Variants in NSUN4 observed in about 807,000 individuals in gnomAD.
The protein encoded by NSUN4 is NOP2/Sun RNA methyltransferase 4, also known as 5-cytosine rRNA methyltransferase NSUN4.
NSUN4 carries 31 observed loss-of-function variants against 43.8 expected under a neutral mutation model. The observed-to-expected ratio is 0.71, with a 90% CI of 0.53 to 0.96. The LOEUF (loss-of-function observed/expected upper bound fraction) is 0.96, where lower values mean the gene tolerates loss of function less well. Among genes scored for constraint, NSUN4 ranks in the 40% least tolerant of loss-of-function variants. NSUN4 has a pLI of 0.00. For missense variants in NSUN4, 439 were observed against 475.6 expected, an observed-to-expected ratio of 0.92 and a Z score of 0.72; for synonymous variants, 167 against 184.1, an observed-to-expected ratio of 0.91 and a Z score of 0.75.
At chr1:46,351,966 C>A (rs953793719) in intron 3 of NSUN4, among the ~76,000 whole-genome samples, 1 of 150,188 alleles carries the variant, frequency 6.7e-6, no homozygotes, top group African/African-American at 2.4e-5. Context: ...GCCTGGCCTT[C>A]CAGTCTCTTT....
chr1:46,343,427 G>A (rs1662263668), intron 1 of NSUN4: 1 of 399,518 alleles, frequency 2.5e-6, no homozygotes, highest in Admixed American at 4.4e-5. Context: ...AAGAGCCTCT[G>A]CAGATCCCCT....
the NSUN4 span, among the ~76,000 whole-genome samples, chr1:46,384,055 G>C: frequency 6.6e-6 from 1 of 152,130 alleles, no homozygotes; most frequent in Admixed American, 6.5e-5. Context: ...CGGGAAAAAT[G>C]GTTATGGCAG....
the NSUN4 span, among the ~76,000 whole-genome samples, chr1:46,375,808 T>G: frequency 6.9e-6 from 1 of 145,788 alleles, no homozygotes; most frequent in Non-Finnish European, 1.5e-5. Flanking sequence ...AGAATAGTAG[T>G]AAATAGGCCA....
At chr1:46,375,962 CG>C in the NSUN4 span, among the ~76,000 whole-genome samples, 1 of 150,544 alleles carries the variant, frequency 6.6e-6, no homozygotes, top group Non-Finnish European at 1.5e-5. Context: ...CAAAATTAGC[CG>C]GGGGTGGTGG....
chr1:46,344,864 A>AGTGT lies in NSUN4; in HGVS notation c.159_162dup (p.Gln55CysfsTer26), dbSNP rs748235490. The stretch of plus-strand genomic sequence containing the variant: ...TTTGCAGAATTTTGACATGACTTAC[A>AGTGT]GTGTGCAGTTTGGAGATCTTTGGCC... On this transcript the variant is annotated frameshift_variant, in exon 2 of 6. Coordinates refer to ENST00000474844, the MANE Select transcript of NSUN4 (RefSeq NM_199044.4). LOFTEE classifies it high-confidence loss of function. 22 of 1,614,208 alleles carry AGTGT rather than the reference A, an allele frequency of 1.4e-5. No individual in the cohort carries two copies. The highest frequency in any genetic ancestry group is 1.7e-5 in the Non-Finnish European group (20 of 1,180,036).
intron 3 of NSUN4, 129 bp downstream of exon 3, chr1:46,347,204 G>A (rs1410703364): frequency 3.3e-6 from 3 of 907,150 alleles, no homozygotes; most frequent in Non-Finnish European, 4.9e-6. Context: ...TTGGGAAGCC[G>A]AGGGAGGCGG....
chr1:46,383,697 C>T, the NSUN4 span, among the ~76,000 whole-genome samples: 9 of 151,894 alleles, frequency 5.9e-5, no homozygotes, highest in Non-Finnish European at 8.8e-5. Flanking sequence ...CCTCATGATC[C>T]GCCCGCCTCT....
chr1:46,371,881 A>G, the NSUN4 span, among the ~76,000 whole-genome samples: 2 of 152,124 alleles, frequency 1.3e-5, no homozygotes, highest in Admixed American at 1.3e-4. Flanking sequence ...CTCAGAGAGC[A>G]AGGGTATGCT....
rs1416847710 is a variant in NSUN4, at chr1:46,352,964, A to G, written c.689A>G (p.Gln230Arg). Residue 230 changes from glutamine to arginine, a missense_variant, in exon 4 of 6, where the codon CAA becomes CGA. Gln to Arg is a conservative substitution (Grantham distance 43, BLOSUM62 1). Transcript: ENST00000474844. ...YVPEEIRDGN[Q>R]VRVTSWDGRK... ...CCTGAAGAGATCAGGGATGGAAATC[A>G]AGTTCGAGTTACCTCATGGGATGGC... 2 of 1,614,188 alleles carry G rather than the reference A, an allele frequency of 1.2e-6. No homozygotes were observed. Among genetic ancestry groups the G allele is most frequent in the South Asian group, 1.1e-5 (1 of 91,088 alleles).
At chr1:46,360,249 A>T (rs4660924) in intron 4 of NSUN4, among the ~76,000 whole-genome samples, 20 of 25,764 alleles carry the variant, frequency 7.8e-4, no homozygotes, top group African/African-American at 1.9e-3. Context: ...AAAAAAAAAA[A>T]ATATATATAT....
At chr1:46,356,721 T>G (rs976677390) in intron 4 of NSUN4, among the ~76,000 whole-genome samples, 10 of 151,284 alleles carry the variant, frequency 6.6e-5, no homozygotes, top group Admixed American at 3.3e-4. Flanking sequence ...AGAAGAAGAA[T>G]ACTACTTCAG....
the NSUN4 span, among the ~76,000 whole-genome samples, chr1:46,371,963 C>G: frequency 6.6e-6 from 1 of 152,084 alleles, no homozygotes; most frequent in Non-Finnish European, 1.5e-5. Flanking sequence ...CCCACCAGGT[C>G]CCACCTCCAG....
chr1:46,377,528 G>A, the NSUN4 span, among the ~76,000 whole-genome samples: 1 of 152,190 alleles, frequency 6.6e-6, no homozygotes, highest in African/African-American at 2.4e-5. Context: ...CCACCCAGGA[G>A]ATGTTTTCTC....
At chr1:46,383,301 C>T in the NSUN4 span, among the ~76,000 whole-genome samples, 9 of 149,546 alleles carry the variant, frequency 6.0e-5, no homozygotes, top group South Asian at 4.2e-4. Flanking sequence ...GCTGGCGCAC[C>T]GGAAGCCCCA....
intron 4 of NSUN4, among the ~76,000 whole-genome samples, chr1:46,360,273 T>A (rs1360394639): frequency 1.1e-5 from 1 of 89,698 alleles, no homozygotes; most frequent in Non-Finnish European, 2.4e-5. Flanking sequence ...TATATATATA[T>A]ATATGTAAAT....
chr1:46,360,696 C>T lies in NSUN4; in HGVS notation c.754-8C>T. On this transcript the variant is annotated splice_region_variant and splice_polypyrimidine_tract_variant and intron_variant, in intron 4 of 5. Transcript: ENST00000474844. ...CTTTAATACTTTACCCTTTAACACT[C>T]TGGGTAGGTGCTGGTGGATGTGCCC... 1 of 1,613,600 alleles carries T rather than the reference C, an allele frequency of 6.2e-7. No individual in the cohort carries two copies. The highest frequency in any genetic ancestry group is 8.5e-7 in the Non-Finnish European group (1 of 1,179,638).
At chr1:46,354,843 AT>A (rs34160166) in intron 4 of NSUN4, among the ~76,000 whole-genome samples, 44,740 of 151,622 alleles carry the variant, frequency 0.3, 7,291 homozygotes, top group East Asian at 0.49. Context: ...CTAATTTTGT[AT>A]TTTTTTAGTA....
chr1:46,383,619 C>A, the NSUN4 span, among the ~76,000 whole-genome samples: 17 of 152,016 alleles, frequency 1.1e-4, no homozygotes, highest in Admixed American at 1.1e-3. Context: ...CCACGCCTGG[C>A]TAATTTTTTG....
intron 1 of NSUN4, chr1:46,342,567 C>G (rs1662189947): frequency 2.5e-6 from 1 of 399,356 alleles, no homozygotes; most frequent in Non-Finnish European, 4.4e-6. Context: ...GAACTCTTAC[C>G]TCATCCTAAC....
Sources: allele counts gnomAD v4.1 joint callset (sites outside exome capture counted in the v4.1 genomes callset), GRCh38; gene constraint gnomAD v4.1.1; transcripts MANE v1.5; gene names NCBI Gene and HGNC (gene_info 2026-07-23, HGNC 2026-07-21).